DNAH9: variants seen among roughly 807,000 people sequenced by gnomAD.
The protein encoded by DNAH9 is DNAH9 variant protein.
In DNAH9, 345 loss-of-function variants were observed where a neutral mutation model predicts 471.6. The observed-to-expected ratio is 0.73, with a 90% CI of 0.67 to 0.80. The LOEUF (loss-of-function observed/expected upper bound fraction) is 0.80. Among genes scored for constraint, DNAH9 ranks in the 30% least tolerant of loss-of-function variants. The pLI, the probability that DNAH9 is intolerant of heterozygous loss-of-function variation, is 0.00. For synonymous variants in DNAH9, 2,093 were observed against 2,123.6 expected (o/e 0.99, Z 0.40); for missense variants, 5,407 against 5,609.2 (o/e 0.96, Z 1.15).
chr17:11,609,066 T>A lies in DNAH9; in HGVS notation c.614+741T>A, dbSNP rs115206706. Among the ~76,000 whole-genome samples the A allele has an allele frequency of 3.8e-3, 583 of 152,350 alleles. 6 individuals carry two copies. The highest frequency in any genetic ancestry group is 0.013 in the African/African-American group (534 of 41,572). ...CTATATTTCATCCAGCATCTCTATG[T>A]GCTTGTGGCAACGGACAGCCTTCCT... On this transcript the variant is annotated intron_variant, in intron 2 of 68. Coordinates refer to ENST00000262442, the MANE Select transcript of DNAH9 (RefSeq NM_001372.4).
chr17:11,841,263 AG>A (rs1426253261), intron 49 of DNAH9, among the ~76,000 whole-genome samples: 1 of 152,240 alleles, frequency 6.6e-6, no homozygotes, highest in Non-Finnish European at 1.5e-5. Flanking sequence ...GCCAAGATTA[AG>A]GATATGCCCA....
chr17:11,692,539 G>C (rs1343789015), intron 20 of DNAH9, among the ~76,000 whole-genome samples: 1 of 152,064 alleles, frequency 6.6e-6, no homozygotes. Flanking sequence ...CTTTTGCAGG[G>C]GTCCAGAAAG....
intron 15 of DNAH9, among the ~76,000 whole-genome samples, chr17:11,668,691 C>G (rs1396243425): frequency 6.9e-6 from 1 of 144,074 alleles, no homozygotes; most frequent in Non-Finnish European, 1.5e-5. Context: ...AAAAAACAAT[C>G]AATCTCTTCT....
intron 67 of DNAH9, among the ~76,000 whole-genome samples, chr17:11,960,264 C>T (rs1464424952): frequency 3.3e-5 from 5 of 151,318 alleles, no homozygotes; most frequent in Admixed American, 6.6e-5. Flanking sequence ...GGTGAAACCC[C>T]GTCTCTACTA....
At chr17:11,809,634 C>G (rs1161201245) in intron 44 of DNAH9, among the ~76,000 whole-genome samples, 1 of 152,112 alleles carries the variant, frequency 6.6e-6, no homozygotes, top group Non-Finnish European at 1.5e-5. Flanking sequence ...ATCCGCCATG[C>G]TGGTAGCCCC....
At chr17:11,758,452 C>T (rs1304488830) in intron 35 of DNAH9, among the ~76,000 whole-genome samples, 1 of 152,152 alleles carries the variant, frequency 6.6e-6, no homozygotes, top group Non-Finnish European at 1.5e-5. Context: ...GAATGGGCCC[C>T]TGAGGCTGGT....
intron 56 of DNAH9, among the ~76,000 whole-genome samples, chr17:11,884,765 A>G (rs1319050447): frequency 6.6e-6 from 1 of 152,078 alleles, no homozygotes; most frequent in Non-Finnish European, 1.5e-5. Context: ...TGGCCTCCGT[A>G]TCTCTGGTTG....
At chr17:11,708,002 CACACACACACACAGAGAGAG>C (rs1393966300) in intron 26 of DNAH9, among the ~76,000 whole-genome samples, 16 of 49,864 alleles carry the variant, frequency 3.2e-4, no homozygotes, top group East Asian at 2.2e-3. Context: ...CACACACACA[CACACACACACACAGAGAGAG>C]AGAGAGAGAG....
At chr17:11,859,562 A>C (rs1440423012) in intron 50 of DNAH9, among the ~76,000 whole-genome samples, 1 of 152,196 alleles carries the variant, frequency 6.6e-6, no homozygotes, top group South Asian at 2.1e-4. Flanking sequence ...CTGTAAAGAA[A>C]TACCTGAGGC....
chr17:11,822,344 C>A, intron 46 of DNAH9, 94 bp from the exon 47 acceptor site: 1 of 1,427,626 alleles, frequency 7.0e-7, no homozygotes, highest in Non-Finnish European at 9.7e-7. Flanking sequence ...GCTTCCCAAT[C>A]TTCTGGGAGC....
chr17:11,781,688 C>T (rs1166451095), intron 39 of DNAH9, among the ~76,000 whole-genome samples: 1 of 151,988 alleles, frequency 6.6e-6, no homozygotes, highest in Non-Finnish European at 1.5e-5. Flanking sequence ...AAAAATTAGC[C>T]AGGCGTGATG....
chr17:11,858,721 C>T (rs1024021385), intron 50 of DNAH9, among the ~76,000 whole-genome samples: 31 of 152,140 alleles, frequency 2.0e-4, no homozygotes, highest in Non-Finnish European at 2.9e-4. Flanking sequence ...TTGTCCATTT[C>T]CATGTCTTCC....
intron 27 of DNAH9, among the ~76,000 whole-genome samples, chr17:11,724,417 A>G (rs1236634161): frequency 1.3e-5 from 2 of 152,194 alleles, no homozygotes; most frequent in Non-Finnish European, 1.5e-5. Context: ...CATATGAATG[A>G]CAGCATGTGA....
intron 67 of DNAH9, among the ~76,000 whole-genome samples, chr17:11,958,744 A>AG (rs397826217): frequency 6.6e-6 from 1 of 151,264 alleles, no homozygotes; most frequent in East Asian, 1.9e-4. Flanking sequence ...AAAAAAAAAA[A>AG]TAAAGTATAT....
At chr17:11,943,764 C>T (rs1975022605) in intron 67 of DNAH9, among the ~76,000 whole-genome samples, 2 of 152,126 alleles carry the variant, frequency 1.3e-5, no homozygotes, top group Admixed American at 6.5e-5. Context: ...CGCACCTCAA[C>T]ATGGGTAGAA....
At chr17:11,754,599 A>G (rs886383681) in intron 33 of DNAH9, among the ~76,000 whole-genome samples, 20 of 152,018 alleles carry the variant, frequency 1.3e-4, no homozygotes, top group South Asian at 4.1e-4. Context: ...AGTTTTTTTC[A>G]TATGCTTTTT....
intron 39 of DNAH9, among the ~76,000 whole-genome samples, chr17:11,781,884 C>A (rs1484105995): frequency 6.6e-6 from 1 of 150,722 alleles, no homozygotes; most frequent in African/African-American, 2.5e-5. Flanking sequence ...TACCATGCAC[C>A]GTGTCTGCAG....
At position 11,598,911 on chromosome 17, in the gene DNAH9, C is replaced by G. The variant is rs780207889; in HGVS notation, c.413C>G (p.Ser138Trp). 6 of 1,285,170 alleles carry G rather than the reference C, an allele frequency of 4.7e-6. No homozygotes were observed. The African/African-American group carries it at 5.3e-5, about 11-fold the overall frequency. The allele number at this position is 1,285,170 out of a possible 1,614,324, so 79.6% of individuals were successfully genotyped here. A position where few individuals can be genotyped will look rare whatever the true frequency, so the allele number is the denominator to read the frequency against. The change falls in exon 1 of 69, where the codon TCG (serine) becomes TGG (tryptophan). Residue 138 changes from serine to tryptophan, a missense_variant. This residue lies in a region of DNAH9 where 767 missense variants were observed against 692.5 expected (regional missense o/e 1.11). Transcript: ENST00000262442. ...CTGGAGCACCTAGCCGCGCTGTTCTCGGAGGTGAGGGTGGGTTAGTGTCCC... is the reference window on the plus strand; with the variant it reads ...CTGGAGCACCTAGCCGCGCTGTTCTGGGAGGTGAGGGTGGGTTAGTGTCCC... ...APLEHLAALFSEVVLPVLANE... is the reference protein window; with the variant it reads ...APLEHLAALFWEVVLPVLANE...
At chr17:11,813,381 C>T (rs1969990838) in intron 45 of DNAH9, among the ~76,000 whole-genome samples, 1 of 152,084 alleles carries the variant, frequency 6.6e-6, no homozygotes, top group South Asian at 2.1e-4. Context: ...CTAATTTTCC[C>T]TATCAAATAA....
Sources: gnomAD v4.1 joint callset for allele counts (sites outside exome capture counted in the v4.1 genomes callset) on GRCh38, gnomAD v4.1.1 for gene constraint, gnomAD v4.1.1 regional missense constraint, MANE v1.5 for transcripts, NCBI Gene and HGNC (gene_info 2026-07-23, HGNC 2026-07-21) for gene names.